Variants in CSF1 observed in about 807,000 individuals in gnomAD.
CSF1 encodes the protein colony stimulating factor 1.
A neutral mutation model predicts 48.9 loss-of-function variants in CSF1; 9 were observed. The ratio of observed to expected loss-of-function variants is 0.18; its 90% confidence interval spans 0.11 to 0.32. The LOEUF (loss-of-function observed/expected upper bound fraction) is 0.32, where lower values mean the gene tolerates loss of function less well. Ranked by LOEUF, CSF1 falls within the 10% of genes least tolerant of loss-of-function variation. The pLI is 1.00. For synonymous variants in CSF1, 305 were observed against 284.1 expected, an observed-to-expected ratio of 1.07 and a Z score of -0.74; for missense variants, 672 against 697.9, an observed-to-expected ratio of 0.96 and a Z score of 0.42.
chr1:109,924,346 G>A (rs1459039471), intron 6 of CSF1, among the ~76,000 whole-genome samples, 156 bp downstream of exon 6: 1 of 152,146 alleles, frequency 6.6e-6, no homozygotes, highest in Non-Finnish European at 1.5e-5. Flanking sequence ...AGGTGGAAAT[G>A]GAGGATTACT....
chr1:109,922,072 G>A (rs1214453386), intron 5 of CSF1, 78 bp downstream of exon 5: 3 of 1,493,770 alleles, frequency 2.0e-6, no homozygotes, highest in Non-Finnish European at 2.7e-6. Flanking sequence ...ATGTGAAGCT[G>A]GGGGGACCCC....
At chr1:109,920,230 A>G (rs966272215) in intron 4 of CSF1, among the ~76,000 whole-genome samples, 9 of 151,904 alleles carry the variant, frequency 5.9e-5, no homozygotes, top group African/African-American at 1.9e-4. Flanking sequence ...AGACGTACGA[A>G]TGAGAAGACT....
In CSF1 at chr1:109,930,877, G is replaced by T. The variant is rs1004429403; in HGVS notation, c.*2039G>T. 2 of 152,114 alleles carry T rather than the reference G, an allele frequency of 1.3e-5. No homozygotes were observed. Among genetic ancestry groups the T allele is most frequent in the Admixed American group, 6.5e-5 (1 of 15,276 alleles). The allele number at this position is 152,114 out of a possible 1,614,324, so 9.4% of individuals were successfully genotyped here. ...GAGGACATTGGCTCACGCACTGTGA[G>T]ATTTTGTTTTTATACTTGGAAGTGG... On this transcript the variant is annotated 3_prime_UTR_variant, in exon 9 of 9. Transcript: ENST00000329608.
At chr1:109,910,736 AGT>A (rs199542023), upstream of CSF1, 21,297 of 266,018 alleles carry the variant, frequency 0.08, 1,366 homozygotes, top group African/African-American at 0.2. Flanking sequence ...TGTCTGTGTC[AGT>A]GTGTGTGTGT....
intron 4 of CSF1, among the ~76,000 whole-genome samples, chr1:109,921,177 G>A (rs1393274046): frequency 6.6e-6 from 1 of 152,138 alleles, no homozygotes; most frequent in African/African-American, 2.4e-5. Context: ...CCTTTGCTCT[G>A]TGGACAAAAC....
Position 109,923,650 on chromosome 1 carries a change from C to T in CSF1, c.1029C>T (p.Phe343=). The change falls in exon 6 of 9, where the codon TTC becomes TTT. Residue 343 remains phenylalanine (F), a synonymous_variant. Transcript: ENST00000329608. ...CAGAGCCCGCCAGACCCAGCAACTT[C>T]CTCTCAGCATCTTCTCCACTCCCTG... is the stretch of plus-strand genomic sequence containing the variant. ...MQTEPARPSN[F]LSASSPLPAS... 1 of 1,613,984 alleles carries T rather than the reference C, an allele frequency of 6.2e-7. No individual in the cohort carries two copies. The highest frequency in any genetic ancestry group is 1.1e-5 in the South Asian group (1 of 91,068).
At chr1:109,921,553 T>G (rs773858646) in intron 4 of CSF1, among the ~76,000 whole-genome samples, 19 of 152,230 alleles carry the variant, frequency 1.2e-4, no homozygotes, top group African/African-American at 4.6e-4. Context: ...CCCTGCTGGA[T>G]TGCTGGACTC....
chr1:109,924,158 G>A lies in CSF1; in HGVS notation c.1537G>A (p.Gly513Arg). The A allele has an allele frequency of 6.2e-7, 1 of 1,613,070 alleles. No individual in the cohort carries two copies. The highest frequency in any genetic ancestry group is 8.5e-7 in the Non-Finnish European group (1 of 1,179,472). The change falls in exon 6 of 9, where the codon GGA becomes AGA. Residue 513 changes from glycine to arginine, a missense_variant. By Grantham distance (125) the Gly-to-Arg change is moderately radical. Around this residue, in one of 3 missense-constraint regions of CSF1, gnomAD observed 591 missense variants for 593.6 expected, o/e 1.00. Coordinates refer to ENST00000329608, the MANE Select transcript of CSF1 (RefSeq NM_000757.6). Reference sequence around the variant, plus strand: ...TGTCATCCTGGTCTTGCTGGCCGTCGGAGGCCTCTTGTTCTACAGGTGGAG... The same window carrying A: ...TGTCATCCTGGTCTTGCTGGCCGTCAGAGGCCTCTTGTTCTACAGGTGGAG... The part of the protein sequence containing the change: ...PSVILVLLAV[G>R]GLLFYRWRRR...
At chr1:109,912,031 G>A (rs549339016) in intron 1 of CSF1, among the ~76,000 whole-genome samples, 1 of 152,044 alleles carries the variant, frequency 6.6e-6, no homozygotes, top group African/African-American at 2.4e-5. Flanking sequence ...TTATTTGGGG[G>A]TAGAGGAGAG....
chr1:109,921,072 C>A (rs1016269033), intron 4 of CSF1, among the ~76,000 whole-genome samples: 2 of 151,968 alleles, frequency 1.3e-5, no homozygotes, highest in Admixed American at 6.6e-5. Flanking sequence ...TGGCGGCTGC[C>A]CCGTTCCCTT....
At position 109,923,263 on chromosome 1, in the gene CSF1, C is replaced by T. The variant is rs780266797; in HGVS notation, c.642C>T (p.Ser214=). 4 of 1,610,734 alleles carry T rather than the reference C, an allele frequency of 2.5e-6. No homozygotes were observed. Among genetic ancestry groups the T allele is most frequent in the Non-Finnish European group, 3.4e-6 (4 of 1,178,316 alleles). Residue 214 remains serine (S), a synonymous_variant, in exon 6 of 9, where the codon TCC becomes TCT. Transcript: ENST00000329608. ...CCCCTCATCAGCCCCTCGCCCCCTC[C>T]ATGGCCCCTGTGGCTGGCTTGACCT... is the stretch of plus-strand genomic sequence containing the variant. The part of the protein sequence containing the change: ...SVSPHQPLAP[S]MAPVAGLTWE...
intron 1 of CSF1, among the ~76,000 whole-genome samples, chr1:109,913,111 G>A (rs981459767): frequency 6.6e-6 from 1 of 152,346 alleles, no homozygotes; most frequent in East Asian, 1.9e-4. Flanking sequence ...TGGGCTTTTG[G>A]TGATATGTAG....
Position 109,917,312 on chromosome 1 carries a change from T to A in CSF1, c.245T>A (p.Leu82His). Reference protein sequence around the residue: ...QEQLKDPVCYLKKAFLLVQDI... With the variant: ...QEQLKDPVCYHKKAFLLVQDI... The stretch of plus-strand genomic sequence containing the variant: ...TTTCAGAAAGATCCAGTGTGCTACC[T>A]TAAGAAGGCATTTCTCCTGGTACAA... The change falls in exon 4 of 9, where the codon CTT becomes CAT. Residue 82 changes from leucine (L) to histidine (H), a missense_variant. Around this residue, in one of 3 missense-constraint regions of CSF1, gnomAD observed 28 missense variants for 58.8 expected, o/e 0.48. Coordinates refer to ENST00000329608, the MANE Select transcript of CSF1 (RefSeq NM_000757.6). 1 of 1,614,162 alleles carries A rather than the reference T, an allele frequency of 6.2e-7. No individual in the cohort carries two copies. Among genetic ancestry groups the A allele is most frequent in the Non-Finnish European group, 8.5e-7 (1 of 1,180,016 alleles).
At chr1:109,913,348 CAA>C (rs1448125780) in intron 1 of CSF1, among the ~76,000 whole-genome samples, 10 of 152,148 alleles carry the variant, frequency 6.6e-5, no homozygotes, top group Non-Finnish European at 1.0e-4. Flanking sequence ...AAAGAAAGCC[CAA>C]GAGTCTGTCT....
At chr1:109,911,272 T>C (rs1654672358) in intron 1 of CSF1, among the ~76,000 whole-genome samples, 1 of 152,134 alleles carries the variant, frequency 6.6e-6, no homozygotes, top group South Asian at 2.1e-4. Flanking sequence ...GCACCGGGAC[T>C]GCCAGGCTTC....
chr1:109,923,777 A>G lies in CSF1; in HGVS notation c.1156A>G (p.Lys386Glu). 1 of 1,608,418 alleles carries G rather than the reference A, an allele frequency of 6.2e-7. No homozygotes were observed. Among genetic ancestry groups the G allele is most frequent in the Non-Finnish European group, 8.5e-7 (1 of 1,177,254 alleles). The part of the protein sequence containing the change: ...TGQDWNHTPQ[K>E]TDHPSALLRD... Reference sequence around the variant, plus strand: ...CCAGGACTGGAATCACACCCCCCAGAAGACAGACCATCCATCTGCCCTGCT... The same window carrying G: ...CCAGGACTGGAATCACACCCCCCAGGAGACAGACCATCCATCTGCCCTGCT... The change falls in exon 6 of 9, where the codon AAG becomes GAG. Residue 386 changes from lysine (K) to glutamate (E), a missense_variant. Physicochemically the swap from Lys to Glu is moderately conservative, Grantham distance 56 (BLOSUM62 1). Coordinates refer to ENST00000329608, the MANE Select transcript of CSF1 (RefSeq NM_000757.6).
intron 4 of CSF1, among the ~76,000 whole-genome samples, chr1:109,919,918 C>T (rs921033339): frequency 4.6e-5 from 7 of 150,750 alleles, no homozygotes; most frequent in Admixed American, 3.3e-4. Flanking sequence ...GAGATCGAAA[C>T]TCCATCTCAA....
Position 109,924,157 on chromosome 1 carries a change from C to T in CSF1, c.1536C>T (p.Val512=), listed in dbSNP as rs147216763. 2.2e-5 allele frequency: 35 copies of T among 1,613,084 alleles called. No homozygotes were observed. The highest frequency in any genetic ancestry group is 5.5e-5 in the South Asian group (5 of 90,978). ...GTGTCATCCTGGTCTTGCTGGCCGT[C>T]GGAGGCCTCTTGTTCTACAGGTGGA... The part of the protein sequence containing the change: ...VPSVILVLLA[V]GGLLFYRWRR... The change falls in exon 6 of 9, where the codon GTC becomes GTT. Residue 512 remains valine (V), a synonymous_variant. Coordinates refer to ENST00000329608, the MANE Select transcript of CSF1 (RefSeq NM_000757.6).
chr1:109,912,457 T>C (rs1654728901), intron 1 of CSF1, among the ~76,000 whole-genome samples: 1 of 152,130 alleles, frequency 6.6e-6, no homozygotes, highest in Non-Finnish European at 1.5e-5. Flanking sequence ...CCCAGCCAGA[T>C]GCAAGCCAGA....
Sources: allele counts gnomAD v4.1 joint callset (sites outside exome capture counted in the v4.1 genomes callset), GRCh38; gene constraint gnomAD v4.1.1; regional missense constraint gnomAD v4.1.1; transcripts MANE v1.5; gene names NCBI Gene and HGNC (gene_info 2026-07-23, HGNC 2026-07-21).